Variants in ADARB1 observed in about 807,000 individuals in gnomAD.
ADARB1 encodes double-stranded RNA-specific editase 1.
In ADARB1, 10 loss-of-function variants were observed where a neutral mutation model predicts 52.4. The observed-to-expected ratio is 0.19, with a 90% CI of 0.12 to 0.32. The LOEUF is 0.32. Among genes scored for constraint, ADARB1 ranks in the 10% least tolerant of loss-of-function variants. The pLI is 1.00. For synonymous variants in ADARB1, 349 were observed against 371.1 expected (o/e 0.94, Z 0.68); for missense variants, 643 against 922.3 (o/e 0.70, Z 3.92).
At chr21:45,199,268 G>A (rs77099066) in intron 8 of ADARB1, among the ~76,000 whole-genome samples, 2,538 of 152,256 alleles carry the variant, frequency 0.017, 38 homozygotes, top group Middle Eastern at 0.075. Context: ...TAGAGCTGAC[G>A]AAATCCCTGA....
At chr21:45,081,661 G>T (rs2838771) in intron 1 of ADARB1, among the ~76,000 whole-genome samples, 7 of 152,218 alleles carry the variant, frequency 4.6e-5, no homozygotes, top group Non-Finnish European at 7.4e-5. Context: ...CGAGGAGACA[G>T]GGCTGAGGTA....
At chr21:45,124,475 G>A (rs117487962) in intron 1 of ADARB1, among the ~76,000 whole-genome samples, 4,701 of 152,062 alleles carry the variant, frequency 0.031, 98 homozygotes, top group Non-Finnish European at 0.045. Context: ...CCTGGGCTCA[G>A]ACGATCCTCC....
At chr21:45,217,695 A>AT (rs2092892386) in intron 9 of ADARB1, among the ~76,000 whole-genome samples, 1 of 151,850 alleles carries the variant, frequency 6.6e-6, no homozygotes. Context: ...TTTTGGTATC[A>AT]TTTTTTCTTC....
At chr21:45,097,732 G>T (rs1375979943) in intron 1 of ADARB1, among the ~76,000 whole-genome samples, 1 of 152,122 alleles carries the variant, frequency 6.6e-6, no homozygotes, top group Non-Finnish European at 1.5e-5. Flanking sequence ...GTCTGTTTGG[G>T]TATGCTGACT....
rs1444108672 is a variant in ADARB1 at position 45,200,221 on chromosome 21, T to TG, written c.1566-4329dup. On this transcript the variant is annotated intron_variant, in intron 8 of 10. Transcript: ENST00000348831. The surrounding 1 kb of genome is among the most constrained non-coding windows in gnomAD (Gnocchi z 5.0). ...CAGAGGGCCCAGGGCCATGGTAGGT[T>TG]GGGGGTGGGGTGGGAGCCACAGCAC... Among the ~76,000 whole-genome samples, 2 of 151,890 alleles carry TG rather than the reference T, an allele frequency of 1.3e-5. No individual in the cohort carries two copies. The highest frequency in any genetic ancestry group is 2.9e-5 in the Non-Finnish European group (2 of 67,958).
At chr21:45,088,846 G>T (rs992532649) in intron 1 of ADARB1, among the ~76,000 whole-genome samples, 1 of 152,210 alleles carries the variant, frequency 6.6e-6, no homozygotes, top group Non-Finnish European at 1.5e-5. Flanking sequence ...CACATGGCAT[G>T]TGCTCTGTCA....
At chr21:45,081,349 T>G (rs1057286310) in intron 1 of ADARB1, among the ~76,000 whole-genome samples, 2 of 152,222 alleles carry the variant, frequency 1.3e-5, no homozygotes, top group African/African-American at 4.8e-5. Flanking sequence ...AATTTTTGAC[T>G]TGACTGTGGT....
chr21:45,113,742 G>A (rs2087677436), intron 1 of ADARB1, among the ~76,000 whole-genome samples: 1 of 152,020 alleles, frequency 6.6e-6, no homozygotes, highest in Non-Finnish European at 1.5e-5. Context: ...TTCAGTATTG[G>A]TCGGTGTTTC....
intron 2 of ADARB1, chr21:45,145,898 A>T (rs1362339061): frequency 6.6e-6 from 1 of 152,250 alleles, no homozygotes; most frequent in East Asian, 1.9e-4. Context: ...GACCTGCCAG[A>T]TTCCTGAAAA....
intron 2 of ADARB1, chr21:45,145,125 G>C (rs1273426076): frequency 6.6e-6 from 1 of 152,544 alleles, no homozygotes; most frequent in African/African-American, 2.4e-5. Context: ...TTAAACCAAG[G>C]AGATCTTGAG....
intron 1 of ADARB1, among the ~76,000 whole-genome samples, chr21:45,085,366 C>G (rs376794634): frequency 6.6e-6 from 1 of 152,072 alleles, no homozygotes; most frequent in Admixed American, 6.5e-5. Context: ...ACACTTACTA[C>G]TTAGTGTTAA....
At chr21:45,216,778 A>G (rs2146433746) in intron 9 of ADARB1, among the ~76,000 whole-genome samples, 1 of 152,070 alleles carries the variant, frequency 6.6e-6, no homozygotes, top group African/African-American at 2.4e-5. Flanking sequence ...TACTTGGTCT[A>G]TCAGTTATTG....
At position 45,112,718 on chromosome 21, in the gene ADARB1, GTGATTTAC is replaced by G. The variant is rs368184836; in HGVS notation, c.-219-15673_-219-15666del. On this transcript the variant is annotated intron_variant, in intron 1 of 10. Coordinates refer to ENST00000348831, the MANE Select transcript of ADARB1 (RefSeq NM_001112.4). ...CTTGTGTTATAAAATAGGTGAACAT[GTGATTTAC>G]TGATTTACTGCTTGAACAGGGACAC... 4.2e-3 allele frequency among the ~76,000 whole-genome samples: 637 copies of G among 152,268 alleles called. 4 individuals are homozygous for G. The highest frequency in any genetic ancestry group is 0.014 in the Middle Eastern group (4 of 294).
intron 1 of ADARB1, among the ~76,000 whole-genome samples, chr21:45,092,024 G>T (rs562727178): frequency 3.7e-4 from 57 of 152,326 alleles, no homozygotes; most frequent in African/African-American, 1.3e-3. Flanking sequence ...AGACCCTAGA[G>T]ATCAACATCC....
chr21:45,088,774 A>G (rs1021552058), intron 1 of ADARB1, among the ~76,000 whole-genome samples: 9 of 152,244 alleles, frequency 5.9e-5, no homozygotes, highest in Non-Finnish European at 1.0e-4. Flanking sequence ...ACACCACGTC[A>G]CCTGGGCGAT....
chr21:45,125,077 G>A (rs1189217175), intron 1 of ADARB1, among the ~76,000 whole-genome samples: 1 of 152,152 alleles, frequency 6.6e-6, no homozygotes, highest in Non-Finnish European at 1.5e-5. Context: ...GATGACAGAC[G>A]TGAGCTACCG....
In ADARB1 at chr21:45,172,252, TG is replaced by T. The variant is rs1288627394; in HGVS notation, c.28+570del. On this transcript the variant is annotated intron_variant, in intron 3 of 10. Transcript: ENST00000348831. The surrounding 1 kb of genome is among the most constrained non-coding windows in gnomAD (Gnocchi z 4.4). ...GTGGTGGAAGGCCGCTGGGGTACGT[TG>T]GTGTTTCGGTGAAGGTACTTATCTC... is the stretch of plus-strand genomic sequence containing the variant. Among the ~76,000 whole-genome samples, 1 of 152,134 alleles carries T rather than the reference TG, an allele frequency of 6.6e-6. No homozygotes were observed. The highest frequency in any genetic ancestry group is 6.5e-5 in the Admixed American group (1 of 15,272).
intron 1 of ADARB1, among the ~76,000 whole-genome samples, chr21:45,075,260 CA>C (rs1468560391): frequency 6.7e-6 from 1 of 149,972 alleles, no homozygotes; most frequent in Non-Finnish European, 1.5e-5. Flanking sequence ...GCTGCGTTGG[CA>C]ACAAGGCTGC....
At chr21:45,108,069 C>T (rs574011673) in intron 1 of ADARB1, among the ~76,000 whole-genome samples, 10 of 152,192 alleles carry the variant, frequency 6.6e-5, no homozygotes, top group African/African-American at 2.4e-4. Flanking sequence ...AAAAAAGTAA[C>T]AACTTTGCCT....
Sources: allele counts gnomAD v4.1 joint callset (sites outside exome capture counted in the v4.1 genomes callset), GRCh38; gene constraint gnomAD v4.1.1; non-coding constraint Gnocchi (gnomAD v3.1); transcripts MANE v1.5; gene names NCBI Gene and HGNC (gene_info 2026-07-23, HGNC 2026-07-21).